The following RETREG1 variants were observed in gnomAD, a reference collection of about 807,000 sequenced individuals.
RETREG1 encodes reticulophagy regulator 1.
RETREG1 carries 44 observed loss-of-function variants against 54.8 expected under a neutral mutation model. The observed-to-expected ratio is 0.80, with a 90% confidence interval of 0.63 to 1.03. The LOEUF is 1.03. Among genes scored for constraint, RETREG1 ranks in the 50% least tolerant of loss-of-function variants. The pLI, the probability that RETREG1 is intolerant of heterozygous loss-of-function variation, is 0.00. For missense variants in RETREG1, 554 were observed against 605.1 expected (o/e 0.92, Z 0.89); for synonymous variants, 217 against 238.5 (o/e 0.91, Z 0.83).
chr5:16,480,490 C>A (rs927279108), intron 5 of RETREG1, among the ~76,000 whole-genome samples: 1 of 152,036 alleles, frequency 6.6e-6, no homozygotes. Flanking sequence ...TGTGGGATAG[C>A]TTTGTCATGT....
At chr5:16,479,192 T>A (rs1170883260) in intron 5 of RETREG1, among the ~76,000 whole-genome samples, 2 of 151,894 alleles carry the variant, frequency 1.3e-5, no homozygotes. Flanking sequence ...CACACATGCA[T>A]CCCACACTTA....
intron 1 of RETREG1, among the ~76,000 whole-genome samples, chr5:16,584,646 T>A (rs932344890): frequency 4.6e-5 from 7 of 152,176 alleles, no homozygotes; most frequent in Admixed American, 4.6e-4. Flanking sequence ...TATCACAAAA[T>A]TCAGAGTTTC....
intron 1 of RETREG1, among the ~76,000 whole-genome samples, chr5:16,575,133 A>G (rs923670013): frequency 1.3e-5 from 2 of 152,154 alleles, no homozygotes; most frequent in African/African-American, 4.8e-5. Flanking sequence ...AAACTCATTT[A>G]TATTTACATA....
intron 1 of RETREG1, among the ~76,000 whole-genome samples, chr5:16,606,561 C>T (rs926211274): frequency 4.6e-5 from 7 of 152,146 alleles, no homozygotes; most frequent in East Asian, 1.9e-4. Flanking sequence ...CTCAGCCTGC[C>T]GCAACCTCAG....
intron 4 of RETREG1, 83 bp downstream of exon 4, chr5:16,483,263 T>C: frequency 6.7e-7 from 1 of 1,484,038 alleles, no homozygotes; most frequent in Non-Finnish European, 9.4e-7. Flanking sequence ...TGGAGAAATC[T>C]GACAAGCTGA....
chr5:16,614,843 A>G (rs1743446806), intron 1 of RETREG1, among the ~76,000 whole-genome samples: 1 of 152,210 alleles, frequency 6.6e-6, no homozygotes, highest in African/African-American at 2.4e-5. Flanking sequence ...CAAGGAAGCA[A>G]TCACCAAGAA....
chr5:16,495,286 G>C (rs567232051), intron 3 of RETREG1, among the ~76,000 whole-genome samples: 1 of 152,166 alleles, frequency 6.6e-6, no homozygotes, highest in Non-Finnish European at 1.5e-5. Flanking sequence ...GAAAAGAAAA[G>C]CCCATTTTTA....
intron 1 of RETREG1, among the ~76,000 whole-genome samples, chr5:16,591,750 C>T (rs965044782): frequency 6.6e-6 from 1 of 152,212 alleles, no homozygotes; most frequent in African/African-American, 2.4e-5. Context: ...CAACGGAAAA[C>T]ATCTGTCTCT....
intron 1 of RETREG1, among the ~76,000 whole-genome samples, chr5:16,604,674 C>G (rs1743136600): frequency 6.6e-6 from 1 of 152,178 alleles, no homozygotes; most frequent in African/African-American, 2.4e-5. Flanking sequence ...GGCTCATGCT[C>G]TTTCTCCCAG....
intron 3 of RETREG1, among the ~76,000 whole-genome samples, chr5:16,537,373 G>T (rs1488372646): frequency 6.6e-6 from 1 of 152,184 alleles, no homozygotes; most frequent in African/African-American, 2.4e-5. Context: ...TTCCGCGGAG[G>T]CTCAGCACAG....
chr5:16,483,497 T>G, intron 3 of RETREG1, 25 bp from the exon 4 acceptor site: 1 of 1,610,802 alleles, frequency 6.2e-7, no homozygotes, highest in Non-Finnish European at 8.5e-7. Context: ...AGAAAAAAAA[T>G]ACTACTGAAC....
chr5:16,529,000 AAAAC>A (rs555629826), intron 3 of RETREG1, among the ~76,000 whole-genome samples: 19 of 152,364 alleles, frequency 1.2e-4, no homozygotes, highest in South Asian at 4.1e-4. Context: ...GAAATTGAGT[AAAAC>A]AAACAAACAA....
intron 1 of RETREG1, chr5:16,616,415 G>T: frequency 1.5e-6 from 1 of 669,066 alleles, no homozygotes; most frequent in Non-Finnish European, 2.3e-6. Flanking sequence ...CGACCACCTC[G>T]CATCTGAGGC....
intron 3 of RETREG1, among the ~76,000 whole-genome samples, chr5:16,560,125 T>C (rs1306774123): frequency 6.6e-6 from 1 of 152,238 alleles, no homozygotes; most frequent in Non-Finnish European, 1.5e-5. Context: ...CATCAGAAAT[T>C]AGACCCTGGG....
At chr5:16,496,691 T>C (rs1303997661) in intron 3 of RETREG1, among the ~76,000 whole-genome samples, 11 of 152,224 alleles carry the variant, frequency 7.2e-5, no homozygotes, top group African/African-American at 2.2e-4. Context: ...CTCTTTTTGA[T>C]ACCTTATTTC....
At position 16,616,890 on chromosome 5, in the gene RETREG1, G is replaced by GCGGCGA. The variant is rs886060397; in HGVS notation, c.76_81dup (p.Ser26_Pro27dup). 17 of 1,483,036 alleles carry GCGGCGA rather than the reference G, an allele frequency of 1.1e-5. No individual in the cohort carries two copies. Among genetic ancestry groups the GCGGCGA allele is most frequent in the East Asian group, 2.9e-5 (1 of 34,898 alleles). 91.9% of individuals were successfully genotyped at this position (1,483,036 alleles called of 1,614,324 possible). A position where few individuals can be genotyped will look rare whatever the true frequency, so the allele number is the denominator to read the frequency against. On this transcript the variant is annotated inframe_insertion, in exon 1 of 9. Transcript: ENST00000306320. ...TCTGCGGGGGATGCCTGGGGCGGTG[G>GCGGCGA]CGGCGACGGCGGCGCCTGCTCCTCG...
intron 3 of RETREG1, chr5:16,509,044 T>C (rs1302983793): frequency 4.0e-6 from 4 of 992,956 alleles, no homozygotes; most frequent in Non-Finnish European, 4.8e-6. Context: ...CCGGCTTTTT[T>C]TTTTTTTTTT....
intron 1 of RETREG1, among the ~76,000 whole-genome samples, chr5:16,592,214 C>G (rs62371272): frequency 0.42 from 63,664 of 151,598 alleles, 13,319 homozygotes; most frequent in Non-Finnish European, 0.45. Flanking sequence ...AAAAATGTGG[C>G]TTCTTCCCAT....
At chr5:16,548,137 T>C (rs996169865) in intron 3 of RETREG1, among the ~76,000 whole-genome samples, 1 of 152,048 alleles carries the variant, frequency 6.6e-6, no homozygotes, top group African/African-American at 2.4e-5. Context: ...TGTAAAAAAA[T>C]TCATATCAGA....
Sources: allele counts gnomAD v4.1 joint callset (sites outside exome capture counted in the v4.1 genomes callset), GRCh38; gene constraint gnomAD v4.1.1; transcripts MANE v1.5; gene names NCBI Gene and HGNC (gene_info 2026-07-23, HGNC 2026-07-21).